Variants in TRMT9B observed in about 807,000 individuals in gnomAD.
TRMT9B encodes tRNA methyltransferase 9B (putative), also known as probable tRNA methyltransferase 9B.
TRMT9B carries 16 observed loss-of-function variants against 11.5 expected under a neutral mutation model. That is an observed-to-expected ratio of 1.39 (90% CI 0.94 to 2.11). The LOEUF (loss-of-function observed/expected upper bound fraction) is 2.11, where lower values mean the gene tolerates loss of function less well. Among genes scored for constraint, TRMT9B ranks in the 30% most tolerant of loss-of-function variants. The probability of loss-of-function intolerance (pLI) is 0.00; values close to 1 mark genes in which losing one functional copy is unlikely to be tolerated. For missense variants in TRMT9B, 941 were observed against 553.8 expected (o/e 1.70, Z -7.02); for synonymous variants, 274 against 192.4 (o/e 1.42, Z -3.51).
rs965306144 is a variant in TRMT9B at position 13,012,213 on chromosome 8, C to T, written c.155-471C>T. On this transcript the variant is annotated intron_variant, in intron 3 of 4. Transcript: ENST00000524591. The stretch of plus-strand genomic sequence containing the variant: ...TATATGAGAATCTGTAAGTATTCGC[C>T]GAAGGCTTTTCTTTTGCTTTTGTGA... 44 of 985,064 alleles carry T rather than the reference C, an allele frequency of 4.5e-5. No individual in the cohort carries two copies. The East Asian group carries it at 6.8e-4, about 15-fold the overall frequency. The allele number at this position is 985,064 out of a possible 1,614,324, so 61.0% of individuals were successfully genotyped here.
chr8:12,972,589 T>C (rs1175007098), intron 1 of TRMT9B, among the ~76,000 whole-genome samples: 1 of 152,080 alleles, frequency 6.6e-6, no homozygotes, highest in African/African-American at 2.4e-5. Context: ...CTCCCTATGG[T>C]GTCCCCTTGT....
chr8:12,972,897 C>T (rs969031410), intron 1 of TRMT9B, among the ~76,000 whole-genome samples: 2 of 152,178 alleles, frequency 1.3e-5, no homozygotes, highest in African/African-American at 4.8e-5. Context: ...AATACATTAA[C>T]AGTCTTGTGC....
At chr8:13,011,277 C>T (rs534247152) in intron 3 of TRMT9B, 15 of 984,720 alleles carry the variant, frequency 1.5e-5, no homozygotes, top group Admixed American at 6.2e-5. Flanking sequence ...TGAGCCACCG[C>T]GCCAGACCCC....
chr8:12,959,996 C>T (rs1399248353), intron 1 of TRMT9B: 4 of 152,334 alleles, frequency 2.6e-5, no homozygotes, highest in East Asian at 3.9e-4. Context: ...CAAGAACATA[C>T]GTGCAGCTGA....
At chr8:12,983,460 A>G (rs1805741683) in intron 1 of TRMT9B, among the ~76,000 whole-genome samples, 1 of 152,172 alleles carries the variant, frequency 6.6e-6, no homozygotes, top group Non-Finnish European at 1.5e-5. Flanking sequence ...ACCTGAGGTC[A>G]GGAGTTTGAG....
chr8:13,000,387 G>A (rs1016360657), intron 2 of TRMT9B, among the ~76,000 whole-genome samples: 1 of 152,110 alleles, frequency 6.6e-6, no homozygotes, highest in Non-Finnish European at 1.5e-5. Flanking sequence ...TCTACCCTTT[G>A]GAAACATGCC....
Position 12,969,501 on chromosome 8 carries a change from A to G in TRMT9B, c.-199-21333A>G, listed in dbSNP as rs1308391069. Among the ~76,000 whole-genome samples the G allele has an allele frequency of 6.6e-5, 10 of 152,322 alleles. No homozygotes were observed. In the South Asian group the frequency reaches 1.9e-3, roughly 28 times the overall value. On this transcript the variant is annotated intron_variant, in intron 1 of 4. Transcript: ENST00000524591. ...ATACAAAAGGGCATAGTATTTGCAT[A>G]TAACCTGTGTACATTCTCCCATTAT...
chr8:12,996,975 A>C (rs1171012835), intron 2 of TRMT9B, among the ~76,000 whole-genome samples: 1 of 117,454 alleles, frequency 8.5e-6, no homozygotes, highest in African/African-American at 3.9e-5. Context: ...ATTTTATTTT[A>C]TTTTATTTTA....
chr8:12,975,859 A>T (rs1003630301), intron 1 of TRMT9B, among the ~76,000 whole-genome samples: 1 of 152,214 alleles, frequency 6.6e-6, no homozygotes, highest in African/African-American at 2.4e-5. Context: ...GGTGACAGAC[A>T]TTACGGATAA....
At chr8:12,966,050 G>T (rs1047221226) in intron 1 of TRMT9B, among the ~76,000 whole-genome samples, 4 of 151,486 alleles carry the variant, frequency 2.6e-5, no homozygotes, top group Non-Finnish European at 5.9e-5. Context: ...CCATGGCCAG[G>T]CATGGTGATG....
chr8:13,012,664 C>G lies in TRMT9B; in HGVS notation c.155-20C>G, dbSNP rs377631038. 1 of 1,595,782 alleles carries G rather than the reference C, an allele frequency of 6.3e-7. No individual in the cohort carries two copies. The highest frequency in any genetic ancestry group is 8.6e-7 in the Non-Finnish European group (1 of 1,168,736). ...ATTTTCCATTGAGGATAGCATGTAA[C>G]GCAGGTTTTTCTCTTATAGGTTGTG... On this transcript the variant is annotated intron_variant, in intron 3 of 4. Transcript: ENST00000524591.
At chr8:12,951,123 T>G (rs1157459516) in intron 1 of TRMT9B, among the ~76,000 whole-genome samples, 1 of 152,126 alleles carries the variant, frequency 6.6e-6, no homozygotes, top group African/African-American at 2.4e-5. Flanking sequence ...GTGTCCAGTT[T>G]TGGGCAAAAA....
intron 4 of TRMT9B, among the ~76,000 whole-genome samples, chr8:13,018,751 C>T (rs767622333): frequency 1.3e-5 from 2 of 152,144 alleles, no homozygotes; most frequent in Non-Finnish European, 2.9e-5. Context: ...ATTTTAAACT[C>T]ATACCAACAG....
At chr8:13,011,193 C>A in intron 3 of TRMT9B, 1 of 513,720 alleles carries the variant, frequency 1.9e-6, no homozygotes, top group Non-Finnish European at 2.5e-6. Context: ...ATCATGTTGG[C>A]CAGACTGGTC....
At position 13,028,011 on chromosome 8, in the gene TRMT9B, A is replaced by C. The variant is rs895481394; in HGVS notation, c.*5967A>C. 1 of 166,994 alleles carries C rather than the reference A, an allele frequency of 6.0e-6. No homozygotes were observed. The highest frequency in any genetic ancestry group is 2.4e-5 in the African/African-American group (1 of 41,462). The allele number at this position is 166,994 out of a possible 1,614,324, so 10.3% of individuals were successfully genotyped here. On this transcript the variant is annotated 3_prime_UTR_variant, in exon 5 of 5. Coordinates refer to ENST00000524591, the MANE Select transcript of TRMT9B (RefSeq NM_020844.3). ...AACAAGGATTGAAATTGTATTGCAAATGAAAGAGCTCAGCATGAGAGCACA... is the reference window on the plus strand; with the variant it reads ...AACAAGGATTGAAATTGTATTGCAACTGAAAGAGCTCAGCATGAGAGCACA...
intron 2 of TRMT9B, among the ~76,000 whole-genome samples, chr8:12,994,080 G>A (rs904530140): frequency 6.6e-6 from 1 of 152,300 alleles, no homozygotes; most frequent in Non-Finnish European, 1.5e-5. Flanking sequence ...CACTGCCACA[G>A]TCAATGTGCC....
intron 1 of TRMT9B, among the ~76,000 whole-genome samples, chr8:12,953,807 C>G (rs372391970): frequency 6.6e-6 from 1 of 152,058 alleles, no homozygotes; most frequent in Non-Finnish European, 1.5e-5. Flanking sequence ...TCATTGGTTA[C>G]CTATAACTTA....
Position 13,027,496 on chromosome 8 carries a change from C to A in TRMT9B, c.*5452C>A, listed in dbSNP as rs1377885358. ...ATATGTCTTACAGAATAAATGCAGACTCCTTTGGATGGCATTCAGGCCCTT... is the reference window on the plus strand; with the variant it reads ...ATATGTCTTACAGAATAAATGCAGAATCCTTTGGATGGCATTCAGGCCCTT... On this transcript the variant is annotated 3_prime_UTR_variant, in exon 5 of 5. Coordinates refer to ENST00000524591, the MANE Select transcript of TRMT9B (RefSeq NM_020844.3). The A allele has an allele frequency of 1.8e-5, 3 of 167,052 alleles. No individual in the cohort carries two copies. Among genetic ancestry groups the A allele is most frequent in the Non-Finnish European group, 2.9e-5 (2 of 68,128 alleles). 10.3% of individuals were successfully genotyped at this position (167,052 alleles called of 1,614,324 possible). A position where few individuals can be genotyped will look rare whatever the true frequency, so the allele number is the denominator to read the frequency against.
chr8:13,016,141 G>A (rs1812614710), intron 4 of TRMT9B, among the ~76,000 whole-genome samples: 1 of 132,096 alleles, frequency 7.6e-6, no homozygotes, highest in Admixed American at 8.2e-5. Context: ...TAAATATAAG[G>A]GACCCTGTAC....
Sources: allele counts gnomAD v4.1 joint callset (sites outside exome capture counted in the v4.1 genomes callset), GRCh38; gene constraint gnomAD v4.1.1; transcripts MANE v1.5; gene names NCBI Gene and HGNC (gene_info 2026-07-23, HGNC 2026-07-21).